Variants in GABRA2 observed in about 807,000 individuals in gnomAD.
The protein encoded by GABRA2 is gamma-aminobutyric acid receptor subunit alpha-2.
A neutral mutation model predicts 48.7 loss-of-function variants in GABRA2; 16 were observed. That is an observed-to-expected ratio of 0.33 (90% CI 0.22 to 0.50). The LOEUF (loss-of-function observed/expected upper bound fraction) is 0.50. Among genes scored for constraint, GABRA2 ranks in the 20% least tolerant of loss-of-function variants. The pLI is 0.98. For synonymous variants in GABRA2, 185 were observed against 184.5 expected, an observed-to-expected ratio of 1.00 and a Z score of -0.02; for missense variants, 275 against 535.6, an observed-to-expected ratio of 0.51 and a Z score of 4.80.
At chr4:46,378,477 C>T (rs1243827854) in intron 3 of GABRA2, among the ~76,000 whole-genome samples, 1 of 151,830 alleles carries the variant, frequency 6.6e-6, no homozygotes, top group African/African-American at 2.4e-5. Flanking sequence ...CGTTAAGAGT[C>T]ATCACCACTC....
chr4:46,361,717 G>A (rs944543594), intron 3 of GABRA2, among the ~76,000 whole-genome samples: 8 of 152,218 alleles, frequency 5.3e-5, no homozygotes, highest in African/African-American at 1.9e-4. Context: ...AACACTCAAC[G>A]CTAGCCTGTG....
At chr4:46,285,447 T>C (rs1722368902) in intron 8 of GABRA2, among the ~76,000 whole-genome samples, 1 of 152,054 alleles carries the variant, frequency 6.6e-6, no homozygotes, top group African/African-American at 2.4e-5. Context: ...TAAATATCTA[T>C]TCATCTATTT....
At chr4:46,309,910 C>T (rs1487204142) in intron 6 of GABRA2, among the ~76,000 whole-genome samples, 3 of 152,108 alleles carry the variant, frequency 2.0e-5, no homozygotes, top group African/African-American at 7.2e-5. Flanking sequence ...TCCTAACCTC[C>T]AAGGAACTCC....
intron 8 of GABRA2, among the ~76,000 whole-genome samples, chr4:46,265,450 A>ATATATATAATATATTGTG (rs1717978435): frequency 7.5e-6 from 1 of 133,082 alleles, no homozygotes; most frequent in African/African-American, 3.0e-5. Flanking sequence ...TATATTGTGT[A>ATATATATAATATATTGTG]TATATATAAT....
intron 8 of GABRA2, among the ~76,000 whole-genome samples, chr4:46,292,825 A>G (rs184194392): frequency 4.4e-4 from 67 of 152,252 alleles, no homozygotes; most frequent in African/African-American, 1.4e-3. Context: ...CCCTTGACCA[A>G]TGCTTTGCAA....
chr4:46,266,844 C>T (rs2109378520), intron 8 of GABRA2, among the ~76,000 whole-genome samples: 1 of 150,518 alleles, frequency 6.6e-6, no homozygotes, highest in Admixed American at 6.6e-5. Flanking sequence ...GCCTCAGCCT[C>T]CCGAGTAGTT....
chr4:46,303,854 T>G (rs1183339389), intron 7 of GABRA2, among the ~76,000 whole-genome samples: 1 of 152,224 alleles, frequency 6.6e-6, no homozygotes, highest in East Asian at 1.9e-4. Flanking sequence ...TAAGTACCTC[T>G]TATGTAAAAT....
chr4:46,314,968 T>G (rs1728298205), intron 4 of GABRA2, among the ~76,000 whole-genome samples: 1 of 152,126 alleles, frequency 6.6e-6, no homozygotes, highest in Admixed American at 6.6e-5. Context: ...TGTGTCTTTT[T>G]GGTAAAACGA....
intron 3 of GABRA2, among the ~76,000 whole-genome samples, chr4:46,362,962 G>T (rs1447339941): frequency 1.3e-5 from 2 of 152,252 alleles, no homozygotes; most frequent in Non-Finnish European, 2.9e-5. Context: ...ATCAGGGCAT[G>T]TACAATAGTA....
In GABRA2 at chr4:46,321,207, T is replaced by A. The variant is rs576889930; in HGVS notation, c.256-8491A>T. Among the ~76,000 whole-genome samples, 5 of 151,886 alleles carry A rather than the reference T, an allele frequency of 3.3e-5. No individual in the cohort carries two copies. In the South Asian group the frequency reaches 1.0e-3, roughly 31 times the overall value. On this transcript the variant is annotated intron_variant, in intron 4 of 9. Transcript: ENST00000381620. ...ACGTTGGTTGTTTGAATACATAGAA[T>A]AAAATGTTGGCAGTTACTGCGGTGG...
intron 4 of GABRA2, among the ~76,000 whole-genome samples, chr4:46,324,085 CTT>C (rs904650270): frequency 1.8e-4 from 28 of 151,964 alleles, no homozygotes; most frequent in African/African-American, 6.8e-4. Context: ...TACCTCCACT[CTT>C]TCTCTATTTC....
At chr4:46,328,224 C>G (rs563161534) in intron 4 of GABRA2, among the ~76,000 whole-genome samples, 1 of 151,796 alleles carries the variant, frequency 6.6e-6, no homozygotes, top group African/African-American at 2.4e-5. Context: ...TTTAGATCTA[C>G]AACATTTTTG....
At chr4:46,356,999 T>C (rs1736092245) in intron 3 of GABRA2, among the ~76,000 whole-genome samples, 1 of 151,982 alleles carries the variant, frequency 6.6e-6, no homozygotes, top group Non-Finnish European at 1.5e-5. Flanking sequence ...TTTGTTTTGT[T>C]TTGTTTTTGT....
intron 3 of GABRA2, among the ~76,000 whole-genome samples, chr4:46,342,646 ACT>A (rs1477805791): frequency 1.3e-5 from 2 of 151,670 alleles, no homozygotes; most frequent in Non-Finnish European, 2.9e-5. Context: ...CTCTCACCTT[ACT>A]GTTTTATTTT....
At chr4:46,381,223 C>T (rs1294719710) in intron 3 of GABRA2, among the ~76,000 whole-genome samples, 2 of 152,162 alleles carry the variant, frequency 1.3e-5, no homozygotes, top group Admixed American at 1.3e-4. Context: ...TTCAATTTTC[C>T]AATGACCTAT....
At chr4:46,281,205 G>T (rs1211074594) in intron 8 of GABRA2, among the ~76,000 whole-genome samples, 1 of 152,152 alleles carries the variant, frequency 6.6e-6, no homozygotes, top group Non-Finnish European at 1.5e-5. Context: ...GATTGAGTTT[G>T]TCTATTGGAC....
At position 46,343,017 on chromosome 4, in the gene GABRA2, T is replaced by C. The variant is rs375574797; in HGVS notation, c.188-10335A>G. On this transcript the variant is annotated intron_variant, in intron 3 of 9. Transcript: ENST00000381620. ...TAGGGTTAACTACATGCCTGACACT[T>C]TCTAAGCTTTTTTAAAATAGTAACT... is the stretch of plus-strand genomic sequence containing the variant. Among the ~76,000 whole-genome samples the C allele has an allele frequency of 2.6e-3, 394 of 152,018 alleles. 1 individual carries two copies. The highest frequency in any genetic ancestry group is 3.6e-3 in the Non-Finnish European group (242 of 67,942).
chr4:46,287,954 G>A (rs748341840), intron 8 of GABRA2, among the ~76,000 whole-genome samples: 1 of 152,150 alleles, frequency 6.6e-6, no homozygotes, highest in East Asian at 1.9e-4. Context: ...GCATGGAGGA[G>A]CAAGTCACAT....
intron 8 of GABRA2, among the ~76,000 whole-genome samples, chr4:46,282,078 C>T (rs1399798152): frequency 6.6e-6 from 1 of 152,122 alleles, no homozygotes; most frequent in Non-Finnish European, 1.5e-5. Flanking sequence ...CTTCTAGTTG[C>T]TTCAATTTTC....
Sources: gnomAD v4.1 joint callset for allele counts (sites outside exome capture counted in the v4.1 genomes callset) on GRCh38, gnomAD v4.1.1 for gene constraint, MANE v1.5 for transcripts, NCBI Gene and HGNC (gene_info 2026-07-23, HGNC 2026-07-21) for gene names.